The following CFAP221 variants were observed in gnomAD, a reference collection of about 807,000 sequenced individuals.
CFAP221 encodes cilia- and flagella-associated protein 221.
Under a neutral mutation model 113.1 loss-of-function variants are expected in CFAP221, and 97 were observed. The ratio of observed to expected loss-of-function variants is 0.86; its 90% CI spans 0.73 to 1.02. The LOEUF (loss-of-function observed/expected upper bound fraction) is 1.02. Ranked by LOEUF, CFAP221 falls within the 50% of genes least tolerant of loss-of-function variation. The probability of loss-of-function intolerance (pLI) is 0.00; values close to 1 mark genes in which losing one functional copy is unlikely to be tolerated. For synonymous variants in CFAP221, 331 were observed against 354.4 expected (o/e 0.93, Z 0.74); for missense variants, 1,025 against 1,013.4 (o/e 1.01, Z -0.16).
At chr2:119,598,579 G>A (rs1267796061) in intron 7 of CFAP221, among the ~76,000 whole-genome samples, 1 of 152,214 alleles carries the variant, frequency 6.6e-6, no homozygotes, top group African/African-American at 2.4e-5. Flanking sequence ...TTGGCCTGGA[G>A]CATAAGAGAG....
intron 6 of CFAP221, among the ~76,000 whole-genome samples, chr2:119,576,655 A>C (rs111984881): frequency 1.8e-4 from 27 of 152,346 alleles, no homozygotes; most frequent in African/African-American, 6.3e-4. Context: ...GGACTACCGT[A>C]CTTCTGGTCT....
chr2:119,635,997 A>G (rs1472611675), intron 19 of CFAP221, among the ~76,000 whole-genome samples: 2 of 152,238 alleles, frequency 1.3e-5, no homozygotes, highest in South Asian at 2.1e-4. Context: ...TCCAAATAGG[A>G]AACCAAACTA....
intron 7 of CFAP221, among the ~76,000 whole-genome samples, chr2:119,596,493 CCTT>C (rs745787252): frequency 6.6e-6 from 1 of 152,224 alleles, no homozygotes; most frequent in Non-Finnish European, 1.5e-5. Context: ...TACTCAGACT[CCTT>C]CTCCACATCC....
chr2:119,618,128 G>A (rs1685649949), intron 14 of CFAP221, among the ~76,000 whole-genome samples: 1 of 152,028 alleles, frequency 6.6e-6, no homozygotes, highest in African/African-American at 2.4e-5. Flanking sequence ...TTTTTCTCTT[G>A]GTATTTATTG....
intron 22 of CFAP221, among the ~76,000 whole-genome samples, chr2:119,650,768 A>G (rs1407806103): frequency 6.6e-6 from 1 of 152,250 alleles, no homozygotes; most frequent in Non-Finnish European, 1.5e-5. Flanking sequence ...AGTGATTTGC[A>G]TATAGCAGCT....
At chr2:119,611,215 C>CT (rs1558960577) in intron 12 of CFAP221, among the ~76,000 whole-genome samples, 5 of 152,062 alleles carry the variant, frequency 3.3e-5, no homozygotes, top group African/African-American at 1.2e-4. Flanking sequence ...TGTATAGTCC[C>CT]ATAGTTACAG....
intron 14 of CFAP221, among the ~76,000 whole-genome samples, chr2:119,619,807 T>C (rs1371722182): frequency 1.3e-5 from 2 of 152,080 alleles, no homozygotes; most frequent in Non-Finnish European, 2.9e-5. Context: ...TAAAGGAGCA[T>C]GTACCAACCC....
chr2:119,601,617 G>GT (rs1327028050), intron 8 of CFAP221: 1 of 413,146 alleles, frequency 2.4e-6, no homozygotes, highest in Non-Finnish European at 4.2e-6. Flanking sequence ...TGAAGGACAT[G>GT]TTTTTTCACT....
chr2:119,651,953 A>G, intron 22 of CFAP221, 21 bp from the exon 23 acceptor site: 1 of 1,577,544 alleles, frequency 6.3e-7, no homozygotes, highest in Non-Finnish European at 8.7e-7. Context: ...AGTGCCCACT[A>G]AACATCTTAT....
chr2:119,584,833 C>G (rs1172069479), intron 6 of CFAP221, among the ~76,000 whole-genome samples: 2 of 152,108 alleles, frequency 1.3e-5, no homozygotes, highest in African/African-American at 4.8e-5. Context: ...CTCTCCTATT[C>G]TGCTAGTAAA....
intron 12 of CFAP221, 76 bp downstream of exon 12, chr2:119,608,665 G>A (rs150187235): frequency 2.4e-6 from 3 of 1,275,520 alleles, no homozygotes; most frequent in East Asian, 2.3e-5. Context: ...AAGATGCCAG[G>A]TGGAGGAAAA....
intron 3 of CFAP221, among the ~76,000 whole-genome samples, chr2:119,558,151 G>C (rs1680956402): frequency 6.6e-6 from 1 of 152,166 alleles, no homozygotes; most frequent in African/African-American, 2.4e-5. Context: ...TCCAGCTTGA[G>C]GACTTCACAG....
chr2:119,620,998 G>A (rs1266768984), intron 14 of CFAP221, among the ~76,000 whole-genome samples: 1 of 151,900 alleles, frequency 6.6e-6, no homozygotes, highest in African/African-American at 2.4e-5. Flanking sequence ...GTCAAGGCAG[G>A]CGGATCACCT....
intron 14 of CFAP221, among the ~76,000 whole-genome samples, chr2:119,623,401 T>G (rs1411466686): frequency 6.6e-6 from 1 of 152,188 alleles, no homozygotes; most frequent in South Asian, 2.1e-4. Flanking sequence ...TCCATGCTCA[T>G]GGATAGGAAG....
At chr2:119,552,902 C>T (rs1453039996) in intron 3 of CFAP221, among the ~76,000 whole-genome samples, 1 of 151,810 alleles carries the variant, frequency 6.6e-6, no homozygotes, top group Non-Finnish European at 1.5e-5. Context: ...TTATCTCTAA[C>T]GAAGTTGTAC....
At position 119,656,592 on chromosome 2, in the gene CFAP221, G is replaced by A; in HGVS notation, c.*122G>A. ...TCTGGATAAAAAAATGAAATGTAGA[G>A]GATGTATATATCTTTTAAGTGATAA... On this transcript the variant is annotated 3_prime_UTR_variant, in exon 24 of 24. Transcript: ENST00000413369. 4 of 641,690 alleles carry A rather than the reference G, an allele frequency of 6.2e-6. No individual in the cohort carries two copies. The highest frequency in any genetic ancestry group is 3.8e-5 in the South Asian group (2 of 52,362). 39.7% of individuals were successfully genotyped at this position (641,690 alleles called of 1,614,324 possible). A position where few individuals can be genotyped will look rare whatever the true frequency, so the allele number is the denominator to read the frequency against.
intron 15 of CFAP221, among the ~76,000 whole-genome samples, chr2:119,626,941 AAAAG>A (rs1411272987): frequency 3.3e-5 from 5 of 151,808 alleles, no homozygotes; most frequent in East Asian, 1.9e-4. Context: ...GAAAAAAAAA[AAAAG>A]AAAGGAATTC....
chr2:119,615,735 G>A (rs1418020635), intron 14 of CFAP221, 26 bp downstream of exon 14: 2 of 1,547,374 alleles, frequency 1.3e-6, no homozygotes, highest in Admixed American at 1.7e-5. Context: ...AGCTGGAAAT[G>A]TTGATTTGTT....
At chr2:119,628,012 C>T (rs1686460118) in intron 16 of CFAP221, among the ~76,000 whole-genome samples, 1 of 152,172 alleles carries the variant, frequency 6.6e-6, no homozygotes, top group Non-Finnish European at 1.5e-5. Flanking sequence ...CTGGGTCCTT[C>T]CCAGCCTGAA....
Sources: gnomAD v4.1 joint callset for allele counts (sites outside exome capture counted in the v4.1 genomes callset) on GRCh38, gnomAD v4.1.1 for gene constraint, MANE v1.5 for transcripts, NCBI Gene and HGNC (gene_info 2026-07-23, HGNC 2026-07-21) for gene names.